EFCAB6: variants seen among roughly 807,000 people sequenced by gnomAD.
EFCAB6 encodes the protein EF-hand calcium-binding domain-containing protein 6.
EFCAB6 carries 156 observed loss-of-function variants against 169.8 expected under a neutral mutation model. The observed-to-expected ratio is 0.92, with a 90% CI of 0.81 to 1.05. The LOEUF is 1.05. Among genes scored for constraint, EFCAB6 ranks in the 50% least tolerant of loss-of-function variants. The pLI is 0.00. For synonymous variants in EFCAB6, 698 were observed against 676.4 expected, an observed-to-expected ratio of 1.03 and a Z score of -0.50; for missense variants, 1,800 against 1,829.1, an observed-to-expected ratio of 0.98 and a Z score of 0.29.
At chr22:43,584,288 C>A (rs542081327) in intron 24 of EFCAB6, among the ~76,000 whole-genome samples, 1 of 152,296 alleles carries the variant, frequency 6.6e-6, no homozygotes, top group South Asian at 2.1e-4. Context: ...TGCAGAGAAT[C>A]ACAGCTGGGG....
Position 43,554,958 on chromosome 22 carries a change from T to C in EFCAB6, c.3559A>G (p.Asn1187Asp), listed in dbSNP as rs753370759. The C allele has an allele frequency of 3.1e-6, 5 of 1,614,138 alleles. No homozygotes were observed. In the South Asian group the frequency reaches 3.3e-5, roughly 11 times the overall value. ...HYHAITQEFE[N>D]FDTMKTNTIS... ...GTGTTCGTTTTCATGGTGTCAAAAT[T>C]CTCAAACTCCTGGGTGATGGCATGG... The change falls in exon 27 of 32, where the codon AAT becomes GAT. Residue 1187 changes from asparagine (N) to aspartate (D), a missense_variant. Coordinates refer to ENST00000262726, the MANE Select transcript of EFCAB6 (RefSeq NM_022785.4).
At chr22:43,575,295 A>C (rs1187287458) in intron 26 of EFCAB6, among the ~76,000 whole-genome samples, 4 of 149,940 alleles carry the variant, frequency 2.7e-5, no homozygotes, top group Non-Finnish European at 5.9e-5. Context: ...GGTTCAGGTG[A>C]TTCTCCAGCC....
At chr22:43,586,783 T>G (rs2051103222) in intron 24 of EFCAB6, among the ~76,000 whole-genome samples, 1 of 152,094 alleles carries the variant, frequency 6.6e-6, no homozygotes, top group Non-Finnish European at 1.5e-5. Flanking sequence ...GAGCCCTCGT[T>G]ATGAATGCAC....
chr22:43,758,193 C>A (rs1300481328), intron 5 of EFCAB6, among the ~76,000 whole-genome samples: 1 of 151,890 alleles, frequency 6.6e-6, no homozygotes, highest in African/African-American at 2.4e-5. Context: ...GAATTTTTAT[C>A]CAGTCTGATA....
At chr22:43,743,957 C>T (rs922658195) in intron 6 of EFCAB6, among the ~76,000 whole-genome samples, 4 of 146,258 alleles carry the variant, frequency 2.7e-5, no homozygotes, top group Non-Finnish European at 4.5e-5. Flanking sequence ...GATGGGTGAA[C>T]GGATGGGTGG....
chr22:43,777,950 C>T (rs965399105), intron 3 of EFCAB6, among the ~76,000 whole-genome samples: 3 of 152,096 alleles, frequency 2.0e-5, no homozygotes, highest in African/African-American at 7.2e-5. Flanking sequence ...TTTCTATATC[C>T]GCTTAGGATA....
intron 17 of EFCAB6, among the ~76,000 whole-genome samples, chr22:43,639,105 A>G (rs1473127425): frequency 6.6e-6 from 1 of 152,142 alleles, no homozygotes; most frequent in Non-Finnish European, 1.5e-5. Context: ...TCACATCTAA[A>G]TATGTTATAA....
rs147578450 is a variant in EFCAB6, at chr22:43,647,861, G to A, written c.1984-12645C>T. Among the ~76,000 whole-genome samples, 89 of 152,358 alleles carry A rather than the reference G, an allele frequency of 5.8e-4. 1 individual carries two copies. In the East Asian group the frequency reaches 0.012, roughly 20 times the overall value. The stretch of plus-strand genomic sequence containing the variant: ...GATGGCAGGCAGCCATTGGGAGCTG[G>A]GAGAAACAATGCAGCGTGCTCCCAG... On this transcript the variant is annotated intron_variant, in intron 17 of 31. Coordinates refer to ENST00000262726, the MANE Select transcript of EFCAB6 (RefSeq NM_022785.4).
chr22:43,630,806 G>C (rs1003312466), intron 19 of EFCAB6, among the ~76,000 whole-genome samples: 8 of 152,212 alleles, frequency 5.3e-5, no homozygotes, highest in African/African-American at 1.9e-4. Context: ...ACAGGCCAGT[G>C]GTTCCCAGAG....
At chr22:43,706,286 T>A (rs971658788) in intron 10 of EFCAB6, among the ~76,000 whole-genome samples, 1 of 152,242 alleles carries the variant, frequency 6.6e-6, no homozygotes, top group Admixed American at 6.5e-5. Flanking sequence ...CAGTTCTTCC[T>A]GTGGCTGCTT....
chr22:43,747,530 G>C (rs2060608263), intron 6 of EFCAB6, among the ~76,000 whole-genome samples: 1 of 152,198 alleles, frequency 6.6e-6, no homozygotes, highest in African/African-American at 2.4e-5. Flanking sequence ...CAACAATGTA[G>C]AATATGTTGC....
chr22:43,671,594 A>C (rs2057495514), intron 15 of EFCAB6, among the ~76,000 whole-genome samples: 1 of 152,206 alleles, frequency 6.6e-6, no homozygotes, highest in South Asian at 2.1e-4. Context: ...TATTACTAAA[A>C]AGCAAAGGAG....
At chr22:43,709,019 C>T (rs936977670) in intron 10 of EFCAB6, among the ~76,000 whole-genome samples, 8 of 152,118 alleles carry the variant, frequency 5.3e-5, no homozygotes, top group African/African-American at 1.9e-4. Context: ...TTCTATGCAC[C>T]CATCATATTC....
At chr22:43,674,196 G>A (rs908317546) in intron 13 of EFCAB6, among the ~76,000 whole-genome samples, 3 of 152,198 alleles carry the variant, frequency 2.0e-5, no homozygotes, top group African/African-American at 7.2e-5. Context: ...CAATGCTTTG[G>A]TGTTAGAATT....
At chr22:43,721,790 C>A (rs1047378777) in intron 8 of EFCAB6, among the ~76,000 whole-genome samples, 3 of 152,092 alleles carry the variant, frequency 2.0e-5, no homozygotes, top group East Asian at 1.9e-4. Flanking sequence ...CTATAAAAAT[C>A]TAGAAGAAAA....
At chr22:43,531,567 A>G (rs1039188215) in intron 30 of EFCAB6, among the ~76,000 whole-genome samples, 3 of 152,246 alleles carry the variant, frequency 2.0e-5, no homozygotes, top group Non-Finnish European at 4.4e-5. Context: ...ATGTGTTTGA[A>G]TATCACAAAG....
chr22:43,770,060 T>G (rs958767519), intron 4 of EFCAB6, among the ~76,000 whole-genome samples: 1 of 152,168 alleles, frequency 6.6e-6, no homozygotes. Flanking sequence ...TTTCTCCATG[T>G]TGGTCAGGCT....
At chr22:43,561,500 G>A (rs1602267866) in intron 26 of EFCAB6, among the ~76,000 whole-genome samples, 2 of 152,104 alleles carry the variant, frequency 1.3e-5, no homozygotes, top group East Asian at 3.9e-4. Flanking sequence ...CCGACCTGGG[G>A]TCCCCAGGCC....
chr22:43,587,883 T>C (rs903326444), intron 24 of EFCAB6, among the ~76,000 whole-genome samples: 1 of 152,204 alleles, frequency 6.6e-6, no homozygotes, highest in Non-Finnish European at 1.5e-5. Context: ...TCTTCTCTCG[T>C]TGGGTTGCCC....
Sources: allele counts gnomAD v4.1 joint callset (sites outside exome capture counted in the v4.1 genomes callset), GRCh38; gene constraint gnomAD v4.1.1; transcripts MANE v1.5; gene names NCBI Gene and HGNC (gene_info 2026-07-23, HGNC 2026-07-21).